CFAP299: variants seen among roughly 807,000 people sequenced by gnomAD.
CFAP299 encodes cilia- and flagella-associated protein 299.
Under a neutral mutation model 27.0 loss-of-function variants are expected in CFAP299, and 21 were observed. The ratio of observed to expected loss-of-function variants is 0.78; its 90% CI spans 0.55 to 1.12. The LOEUF (loss-of-function observed/expected upper bound fraction) is 1.12, where lower values mean the gene tolerates loss of function less well. Ranked by LOEUF, CFAP299 falls within the 50% of genes most tolerant of loss-of-function variation. The probability of loss-of-function intolerance (pLI) is 0.00; values close to 1 mark genes in which losing one functional copy is unlikely to be tolerated. For missense variants in CFAP299, 310 were observed against 276.6 expected (o/e 1.12, Z -0.86); for synonymous variants, 104 against 98.1 (o/e 1.06, Z -0.36).
intron 4 of CFAP299, among the ~76,000 whole-genome samples, chr4:80,914,303 G>A (rs915222936): frequency 1.1e-4 from 16 of 152,120 alleles, no homozygotes; most frequent in Non-Finnish European, 2.1e-4. Context: ...TAATATATGA[G>A]TTCCTTTTAT....
chr4:80,592,162 G>A (rs1736821995), intron 3 of CFAP299, among the ~76,000 whole-genome samples: 1 of 152,152 alleles, frequency 6.6e-6, no homozygotes, highest in African/African-American at 2.4e-5. Context: ...GCAATAAAAG[G>A]TAAAATTAGT....
At chr4:80,792,822 C>A (rs1727647019) in intron 3 of CFAP299, among the ~76,000 whole-genome samples, 1 of 151,990 alleles carries the variant, frequency 6.6e-6, no homozygotes, top group Non-Finnish European at 1.5e-5. Context: ...ACTTGGTTAT[C>A]TAAAGTTTTG....
intron 2 of CFAP299, among the ~76,000 whole-genome samples, chr4:80,471,050 G>A (rs1019422983): frequency 6.6e-6 from 1 of 151,708 alleles, no homozygotes; most frequent in African/African-American, 2.4e-5. Context: ...GAATAACCTC[G>A]TACAGGGAGT....
intron 2 of CFAP299, among the ~76,000 whole-genome samples, chr4:80,565,073 C>G (rs1735216551): frequency 6.6e-6 from 1 of 151,898 alleles, no homozygotes; most frequent in Non-Finnish European, 1.5e-5. Context: ...TAAAGAGGAA[C>G]TTTATAATAT....
intron 5 of CFAP299, among the ~76,000 whole-genome samples, chr4:80,955,467 T>G (rs926355410): frequency 1.3e-5 from 2 of 152,212 alleles, no homozygotes; most frequent in Non-Finnish European, 2.9e-5. Context: ...AATTGCTTCC[T>G]AGTAGTGTAT....
intron 1 of CFAP299, among the ~76,000 whole-genome samples, chr4:80,354,967 A>G (rs1388872559): frequency 6.6e-6 from 1 of 152,202 alleles, no homozygotes. Flanking sequence ...TGTTGTGAAT[A>G]GTGCTGCAAT....
At chr4:80,360,280 C>G (rs1046761041) in intron 1 of CFAP299, among the ~76,000 whole-genome samples, 7 of 152,154 alleles carry the variant, frequency 4.6e-5, no homozygotes, top group African/African-American at 1.7e-4. Flanking sequence ...AGGCACTCAC[C>G]ACAGTGACAG....
At chr4:80,698,106 G>A (rs1030741190) in intron 3 of CFAP299, among the ~76,000 whole-genome samples, 1 of 152,168 alleles carries the variant, frequency 6.6e-6, no homozygotes, top group Admixed American at 6.5e-5. Context: ...TAACACAGAC[G>A]TCAAATTGAA....
In CFAP299 at chr4:80,730,430, G is replaced by T. The variant is rs1404175325; in HGVS notation, c.334-139563G>T. ...CTAAAACCCTACCCATGAAGGCAAG[G>T]CTCCCCCAGAGAGACCTATGCAGGT... On this transcript the variant is annotated intron_variant, in intron 3 of 5. Coordinates refer to ENST00000358105, the MANE Select transcript of CFAP299 (RefSeq NM_152770.3). 2.0e-5 allele frequency among the ~76,000 whole-genome samples: 3 copies of T among 151,876 alleles called. No homozygotes were observed. The East Asian group carries it at 5.8e-4, about 29-fold the overall frequency.
At position 80,674,830 on chromosome 4, in the gene CFAP299, T is replaced by G. The variant is rs180987708; in HGVS notation, c.333+91647T>G. Among the ~76,000 whole-genome samples the G allele has an allele frequency of 3.3e-3, 501 of 152,354 alleles. 13 individuals are homozygous for G. The highest frequency in any genetic ancestry group is 5.1e-4 in the Non-Finnish European group (35 of 68,028). On this transcript the variant is annotated intron_variant, in intron 3 of 5. Transcript: ENST00000358105. Reference sequence around the variant, plus strand: ...TGATCGAATCGGCTATTGAAGCTTATGCATGCATCACGTAGTTCTCTTGCC... The same window carrying G: ...TGATCGAATCGGCTATTGAAGCTTAGGCATGCATCACGTAGTTCTCTTGCC...
At chr4:80,362,058 C>A (rs77442732) in intron 1 of CFAP299, among the ~76,000 whole-genome samples, 1,901 of 150,436 alleles carry the variant, frequency 0.013, 37 homozygotes, top group African/African-American at 0.042. Flanking sequence ...ATGCAACTGA[C>A]AAAGATGTAT....
intron 3 of CFAP299, among the ~76,000 whole-genome samples, chr4:80,735,853 G>A (rs1723829320): frequency 6.6e-6 from 1 of 152,012 alleles, no homozygotes; most frequent in Non-Finnish European, 1.5e-5. Flanking sequence ...TTTTGTTGAG[G>A]TTTTTTACAT....
At chr4:80,604,570 A>G (rs1191085459) in intron 3 of CFAP299, among the ~76,000 whole-genome samples, 1 of 152,196 alleles carries the variant, frequency 6.6e-6, no homozygotes, top group African/African-American at 2.4e-5. Context: ...TTGTGTCCAG[A>G]ATGGTGCCTG....
At chr4:80,548,236 G>A (rs1473790011) in intron 2 of CFAP299, among the ~76,000 whole-genome samples, 2 of 152,148 alleles carry the variant, frequency 1.3e-5, no homozygotes, top group South Asian at 4.1e-4. Context: ...CAACATGGAT[G>A]TATTAATAGC....
At chr4:80,388,544 C>A in intron 2 of CFAP299, 2 of 1,454,934 alleles carry the variant, frequency 1.4e-6, no homozygotes, top group Non-Finnish European at 1.9e-6. Context: ...TTGCTTCTTA[C>A]ACTTCCCACA....
At chr4:80,382,377 G>T (rs747769523) in intron 2 of CFAP299, among the ~76,000 whole-genome samples, 4 of 152,090 alleles carry the variant, frequency 2.6e-5, no homozygotes, top group Non-Finnish European at 4.4e-5. Context: ...CATAACAAAA[G>T]AAACTCTTAA....
At chr4:80,671,037 T>C (rs541379888) in intron 3 of CFAP299, among the ~76,000 whole-genome samples, 1 of 152,346 alleles carries the variant, frequency 6.6e-6, no homozygotes, top group African/African-American at 2.4e-5. Flanking sequence ...CCATTGCTTT[T>C]GGTGTTTTAG....
At chr4:80,882,893 T>G (rs1578209922) in intron 4 of CFAP299, among the ~76,000 whole-genome samples, 1 of 152,260 alleles carries the variant, frequency 6.6e-6, no homozygotes, top group East Asian at 1.9e-4. Context: ...AAGACCTGCC[T>G]TATTAGAAAT....
At chr4:80,907,880 G>A (rs1391831805) in intron 4 of CFAP299, among the ~76,000 whole-genome samples, 1 of 152,012 alleles carries the variant, frequency 6.6e-6, no homozygotes, top group Admixed American at 6.6e-5. Context: ...GAATGGTATG[G>A]AAAAAAACAT....
Sources: allele counts gnomAD v4.1 joint callset (sites outside exome capture counted in the v4.1 genomes callset), GRCh38; gene constraint gnomAD v4.1.1; transcripts MANE v1.5; gene names NCBI Gene and HGNC (gene_info 2026-07-23, HGNC 2026-07-21).